Variants in CHCHD6 observed in about 807,000 individuals in gnomAD.
CHCHD6 encodes coiled-coil-helix-coiled-coil-helix domain containing 6.
In CHCHD6, 28 loss-of-function variants were observed where a neutral mutation model predicts 32.3. The ratio of observed to expected loss-of-function variants is 0.87; its 90% CI spans 0.64 to 1.19. The LOEUF (loss-of-function observed/expected upper bound fraction) is 1.19. Ranked by LOEUF, CHCHD6 falls within the 50% of genes most tolerant of loss-of-function variation. CHCHD6 has a pLI of 0.00. For missense variants in CHCHD6, 333 were observed against 307.0 expected (o/e 1.08, Z -0.63); for synonymous variants, 122 against 117.5 (o/e 1.04, Z -0.25).
rs142228168 is a variant in CHCHD6, at chr3:126,837,833, A to G, written c.412-14814A>G. ...GTACTTATTGGATAAAATGTGTCAG[A>G]CATACACAGAGTTAACCATCCCTGA... On this transcript the variant is annotated intron_variant, in intron 4 of 7. Transcript: ENST00000290913. Among the ~76,000 whole-genome samples, 74 of 152,352 alleles carry G rather than the reference A, an allele frequency of 4.9e-4. 1 individual carries two copies. The East Asian group carries it at 8.3e-3, about 17-fold the overall frequency.
intron 4 of CHCHD6, among the ~76,000 whole-genome samples, chr3:126,780,169 G>C (rs965807680): frequency 2.6e-5 from 4 of 152,334 alleles, no homozygotes; most frequent in Admixed American, 2.6e-4. Flanking sequence ...GCTCCTATCA[G>C]GCACGTAAGC....
At chr3:126,852,212 G>A (rs770552174) in intron 4 of CHCHD6, among the ~76,000 whole-genome samples, 8 of 152,158 alleles carry the variant, frequency 5.3e-5, no homozygotes, top group East Asian at 1.9e-4. Flanking sequence ...CCCAGCGGCC[G>A]GACACACCTG....
intron 6 of CHCHD6, among the ~76,000 whole-genome samples, chr3:126,945,305 G>C (rs957931917): frequency 1.3e-5 from 2 of 151,960 alleles, no homozygotes; most frequent in African/African-American, 2.4e-5. Context: ...GCAGGCCTGT[G>C]GGGGGCGCCA....
chr3:126,881,460 CTA>C (rs1447383156), intron 5 of CHCHD6, among the ~76,000 whole-genome samples: 3 of 152,182 alleles, frequency 2.0e-5, no homozygotes, highest in Admixed American at 1.3e-4. Context: ...GAGCAGGGCC[CTA>C]TGTGTGTTGA....
chr3:126,734,395 G>A (rs542779859), intron 4 of CHCHD6, among the ~76,000 whole-genome samples: 1 of 152,200 alleles, frequency 6.6e-6, no homozygotes, highest in African/African-American at 2.4e-5. Context: ...TCGTACACAC[G>A]GTGCTGTGTA....
chr3:126,792,226 T>G (rs1283324553), intron 4 of CHCHD6, among the ~76,000 whole-genome samples: 2 of 147,094 alleles, frequency 1.4e-5, no homozygotes, highest in African/African-American at 5.2e-5. Context: ...AATATATACT[T>G]AGAATATATA....
At chr3:126,711,481 T>A (rs758362343) in intron 1 of CHCHD6, among the ~76,000 whole-genome samples, 1 of 152,238 alleles carries the variant, frequency 6.6e-6, no homozygotes, top group African/African-American at 2.4e-5. Context: ...TGCTGGATGT[T>A]AAACTCTGTG....
intron 4 of CHCHD6, among the ~76,000 whole-genome samples, chr3:126,800,154 T>A (rs1467380093): frequency 2.0e-5 from 3 of 152,202 alleles, no homozygotes; most frequent in African/African-American, 7.2e-5. Context: ...CATTTAAAAT[T>A]GTGATATATA....
chr3:126,778,073 G>A (rs1937738399), intron 4 of CHCHD6, among the ~76,000 whole-genome samples: 1 of 152,184 alleles, frequency 6.6e-6, no homozygotes, highest in Non-Finnish European at 1.5e-5. Context: ...ATGTGTTCAA[G>A]ATTCACCTAT....
intron 4 of CHCHD6, among the ~76,000 whole-genome samples, chr3:126,747,900 G>A (rs940478686): frequency 4.6e-5 from 7 of 152,124 alleles, no homozygotes; most frequent in South Asian, 2.1e-4. Flanking sequence ...CATGCAGTTC[G>A]TGCTCTCTGA....
chr3:126,957,750 C>T (rs369477368), intron 7 of CHCHD6, 199 bp downstream of exon 7: 2 of 671,080 alleles, frequency 3.0e-6, no homozygotes, highest in East Asian at 5.5e-5. Flanking sequence ...CCAGGAGCGC[C>T]TTGGACATCT....
intron 1 of CHCHD6, among the ~76,000 whole-genome samples, chr3:126,712,043 C>T (rs1934772055): frequency 6.6e-6 from 1 of 152,248 alleles, no homozygotes; most frequent in South Asian, 2.1e-4. Flanking sequence ...CTTTAGGTCT[C>T]TCTACCTTTT....
chr3:126,947,305 T>C (rs1224280250), intron 6 of CHCHD6, among the ~76,000 whole-genome samples: 1 of 152,212 alleles, frequency 6.6e-6, no homozygotes, highest in Non-Finnish European at 1.5e-5. Context: ...TCTCTCACTT[T>C]CCTCCCTGTG....
chr3:126,888,180 AG>A (rs1225905323), intron 5 of CHCHD6, among the ~76,000 whole-genome samples: 1 of 152,184 alleles, frequency 6.6e-6, no homozygotes, highest in Non-Finnish European at 1.5e-5. Flanking sequence ...CAAGGACAGC[AG>A]AGCAGAAAGA....
At chr3:126,868,466 A>G (rs2077418921) in intron 5 of CHCHD6, among the ~76,000 whole-genome samples, 1 of 152,038 alleles carries the variant, frequency 6.6e-6, no homozygotes, top group Non-Finnish European at 1.5e-5. Flanking sequence ...AAAATTGCTT[A>G]TACTCGTCTT....
At chr3:126,852,503 T>G (rs1325348836) in intron 4 of CHCHD6, 144 bp from the exon 5 acceptor site, 13 of 615,870 alleles carry the variant, frequency 2.1e-5, no homozygotes, top group Admixed American at 5.1e-5. Flanking sequence ...ATGTGAATGA[T>G]CTGGCATATC....
intron 4 of CHCHD6, among the ~76,000 whole-genome samples, chr3:126,784,533 TGTA>T (rs1273295083): frequency 6.6e-6 from 1 of 152,200 alleles, no homozygotes; most frequent in Non-Finnish European, 1.5e-5. Flanking sequence ...GGTGCTAATT[TGTA>T]GACTACCTGG....
At chr3:126,809,510 C>A (rs1232413271) in intron 4 of CHCHD6, among the ~76,000 whole-genome samples, 1 of 152,150 alleles carries the variant, frequency 6.6e-6, no homozygotes, top group East Asian at 1.9e-4. Context: ...GTTTTGGCAC[C>A]TATTGAGTGG....
chr3:126,826,549 A>G (rs1240247869), intron 4 of CHCHD6, among the ~76,000 whole-genome samples: 1 of 152,112 alleles, frequency 6.6e-6, no homozygotes, highest in African/African-American at 2.4e-5. Context: ...TTTGCCTACC[A>G]TTATGTTAGG....
Sources: allele counts gnomAD v4.1 joint callset (sites outside exome capture counted in the v4.1 genomes callset), GRCh38; gene constraint gnomAD v4.1.1; transcripts MANE v1.5; gene names NCBI Gene and HGNC (gene_info 2026-07-23, HGNC 2026-07-21).